GRID1: variants seen among roughly 807,000 people sequenced by gnomAD.
The protein encoded by GRID1 is glutamate ionotropic receptor delta type subunit 1, also known as glutamate receptor ionotropic, delta-1.
In GRID1, 28 loss-of-function variants were observed where a neutral mutation model predicts 98.0. The observed-to-expected ratio is 0.29, with a 90% CI of 0.21 to 0.39. GRID1 has a LOEUF of 0.39. Ranked by LOEUF, GRID1 falls within the 10% of genes least tolerant of loss-of-function variation. The pLI, the probability that GRID1 is intolerant of heterozygous loss-of-function variation, is 1.00. For missense variants in GRID1, 1,111 were observed against 1,340.5 expected (o/e 0.83, Z 2.67); for synonymous variants, 553 against 538.5 (o/e 1.03, Z -0.37).
chr10:86,339,859 G>A (rs912512568), intron 2 of GRID1, among the ~76,000 whole-genome samples: 1 of 152,206 alleles, frequency 6.6e-6, no homozygotes, highest in African/African-American at 2.4e-5. Context: ...CCCTCCTAAC[G>A]CTTCCACTTG....
chr10:86,013,728 A>G (rs1278627762), intron 4 of GRID1, among the ~76,000 whole-genome samples: 1 of 152,234 alleles, frequency 6.6e-6, no homozygotes, highest in Non-Finnish European at 1.5e-5. Context: ...AGAGAAGAAC[A>G]TCATGCTAGT....
intron 5 of GRID1, among the ~76,000 whole-genome samples, chr10:85,877,757 C>G (rs1589284466): frequency 6.6e-6 from 1 of 152,196 alleles, no homozygotes; most frequent in South Asian, 2.1e-4. Flanking sequence ...AGCAACGGAA[C>G]AAAGCTGAAC....
chr10:85,880,616 C>T (rs575691986), intron 5 of GRID1, among the ~76,000 whole-genome samples: 2,150 of 151,412 alleles, frequency 0.014, 62 homozygotes, highest in African/African-American at 0.049. Context: ...ATTGATGGGA[C>T]ATATCTCAAA....
intron 4 of GRID1, among the ~76,000 whole-genome samples, chr10:86,044,584 A>G (rs1309758908): frequency 6.6e-6 from 1 of 152,210 alleles, no homozygotes; most frequent in Non-Finnish European, 1.5e-5. Flanking sequence ...CACCTCCCCT[A>G]AAAACCTTAC....
At chr10:86,080,424 G>A (rs71503848) in intron 4 of GRID1, among the ~76,000 whole-genome samples, 1,051 of 15,558 alleles carry the variant, frequency 0.068, 13 homozygotes, top group East Asian at 0.087. Context: ...GAGGGGAGGG[G>A]AGGGGAGGGG....
intron 4 of GRID1, among the ~76,000 whole-genome samples, chr10:86,008,825 T>G (rs748656706): frequency 5.9e-5 from 9 of 152,206 alleles, no homozygotes; most frequent in Non-Finnish European, 1.3e-4. Flanking sequence ...TTGGGAGTTT[T>G]TTGGTTTAAT....
At chr10:85,812,785 T>TTG (rs1276418307) in intron 8 of GRID1, among the ~76,000 whole-genome samples, 2 of 151,318 alleles carry the variant, frequency 1.3e-5, no homozygotes, top group Non-Finnish European at 3.0e-5. Context: ...CACTACATAT[T>TTG]TGTGTGTGTC....
intron 4 of GRID1, among the ~76,000 whole-genome samples, chr10:86,022,635 T>C (rs1843064651): frequency 6.6e-6 from 1 of 152,126 alleles, no homozygotes. Context: ...ATTCCTTTTT[T>C]GGCCAGGTGC....
intron 8 of GRID1, among the ~76,000 whole-genome samples, chr10:85,792,350 G>A (rs752998264): frequency 1.3e-5 from 2 of 152,208 alleles, no homozygotes; most frequent in Non-Finnish European, 2.9e-5. Flanking sequence ...AGCACTTGGG[G>A]CCTCAAATAA....
At chr10:85,858,915 G>GT (rs1203172469) in intron 6 of GRID1, among the ~76,000 whole-genome samples, 8 of 152,198 alleles carry the variant, frequency 5.3e-5, no homozygotes, top group African/African-American at 1.9e-4. Flanking sequence ...CTCAACAAAT[G>GT]TATGAATGCA....
chr10:86,343,529 A>G (rs1160427830), intron 2 of GRID1, among the ~76,000 whole-genome samples: 1 of 152,230 alleles, frequency 6.6e-6, no homozygotes, highest in Non-Finnish European at 1.5e-5. Flanking sequence ...TATTACTGAT[A>G]AAATGAGATG....
intron 5 of GRID1, among the ~76,000 whole-genome samples, chr10:85,888,266 C>G (rs1841145975): frequency 6.6e-6 from 1 of 152,200 alleles, no homozygotes; most frequent in Non-Finnish European, 1.5e-5. Flanking sequence ...TCTCATCCAC[C>G]TCCTCCATCA....
chr10:86,072,846 C>A (rs145156090), intron 4 of GRID1, among the ~76,000 whole-genome samples: 1 of 152,194 alleles, frequency 6.6e-6, no homozygotes, highest in African/African-American at 2.4e-5. Context: ...CTAGGAAAGG[C>A]GCAGGTGCCT....
chr10:85,991,415 G>A (rs916312228), intron 4 of GRID1, among the ~76,000 whole-genome samples: 2 of 152,156 alleles, frequency 1.3e-5, no homozygotes, highest in Non-Finnish European at 2.9e-5. Flanking sequence ...GCCTGGGCTA[G>A]AGGCTAACAT....
chr10:85,899,226 T>C (rs768994895), intron 5 of GRID1, among the ~76,000 whole-genome samples: 5 of 152,246 alleles, frequency 3.3e-5, no homozygotes, highest in Non-Finnish European at 5.9e-5. Context: ...GGCTCATCCA[T>C]GTTGTCAATA....
In GRID1 at chr10:86,196,393, A is replaced by G. The variant is rs988975743; in HGVS notation, c.520+9971T>C. On this transcript the variant is annotated intron_variant, in intron 3 of 15. Coordinates refer to ENST00000327946, the MANE Select transcript of GRID1 (RefSeq NM_017551.3). Reference sequence around the variant, plus strand: ...AATGGTCTGGGACCTCAGGGAGTGCAATCACTCTCAAATCCATCACTTCAT... The same window carrying G: ...AATGGTCTGGGACCTCAGGGAGTGCGATCACTCTCAAATCCATCACTTCAT... Among the ~76,000 whole-genome samples, 31 of 151,992 alleles carry G rather than the reference A, an allele frequency of 2.0e-4. 2 individuals are homozygous for G. The highest frequency in any genetic ancestry group is 1.8e-3 in the Admixed American group (27 of 15,248).
chr10:85,835,886 G>A (rs1175506526), intron 8 of GRID1, among the ~76,000 whole-genome samples: 1 of 152,034 alleles, frequency 6.6e-6, no homozygotes, highest in Admixed American at 6.5e-5. Flanking sequence ...AAAACAAAAG[G>A]ATGATCCTTA....
intron 8 of GRID1, among the ~76,000 whole-genome samples, chr10:85,735,925 A>AGGAGAGAAGGCAGGAG (rs1344270150): frequency 1.4e-5 from 2 of 140,698 alleles, no homozygotes; most frequent in Non-Finnish European, 3.1e-5. Flanking sequence ...GAAGGAAGGA[A>AGGAGAGAAGGCAGGAG]GGAGAGAAGG....
chr10:86,224,399 C>G (rs1846308201), intron 2 of GRID1, among the ~76,000 whole-genome samples: 1 of 152,168 alleles, frequency 6.6e-6, no homozygotes, highest in African/African-American at 2.4e-5. Flanking sequence ...ACCCAAGGCT[C>G]CTGGGCTTGG....
Sources: gnomAD v4.1 joint callset for allele counts (sites outside exome capture counted in the v4.1 genomes callset) on GRCh38, gnomAD v4.1.1 for gene constraint, MANE v1.5 for transcripts, NCBI Gene and HGNC (gene_info 2026-07-23, HGNC 2026-07-21) for gene names.